SPECC1L: variants seen among roughly 807,000 people sequenced by gnomAD.
The protein encoded by SPECC1L is cytospin-A.
SPECC1L carries 40 observed loss-of-function variants against 116.8 expected under a neutral mutation model. The observed-to-expected ratio is 0.34, with a 90% CI of 0.27 to 0.45. The LOEUF (loss-of-function observed/expected upper bound fraction) is 0.45, where lower values mean the gene tolerates loss of function less well. Ranked by LOEUF, SPECC1L falls within the 20% of genes least tolerant of loss-of-function variation. The pLI, the probability that SPECC1L is intolerant of heterozygous loss-of-function variation, is 1.00. For missense variants in SPECC1L, 1,110 were observed against 1,373.6 expected (o/e 0.81, Z 3.03); for synonymous variants, 504 against 500.6 (o/e 1.01, Z -0.09).
At chr22:24,392,394 C>T (rs540975842) in intron 14 of SPECC1L, among the ~76,000 whole-genome samples, 1 of 152,356 alleles carries the variant, frequency 6.6e-6, no homozygotes, top group South Asian at 2.1e-4. Context: ...TCTTGTGCTT[C>T]ATCCACTTTG....
intron 14 of SPECC1L, among the ~76,000 whole-genome samples, chr22:24,393,610 G>A (rs1179043777): frequency 6.6e-6 from 1 of 152,158 alleles, no homozygotes; most frequent in East Asian, 1.9e-4. Flanking sequence ...AACAGAGAGA[G>A]CCTGTGTGGT....
intron 4 of SPECC1L, among the ~76,000 whole-genome samples, chr22:24,318,327 C>T (rs903250375): frequency 3.9e-5 from 6 of 152,210 alleles, no homozygotes; most frequent in South Asian, 2.1e-4. Context: ...GAGACCAGCC[C>T]GGCCAACACA....
chr22:24,371,560 A>G (rs2041870167), intron 14 of SPECC1L, among the ~76,000 whole-genome samples: 3 of 152,242 alleles, frequency 2.0e-5, no homozygotes, highest in Non-Finnish European at 4.4e-5. Context: ...ATTGGAAAAT[A>G]AGTGAAAATT....
intron 14 of SPECC1L, among the ~76,000 whole-genome samples, chr22:24,403,321 C>CT (rs977578575): frequency 1.2e-4 from 18 of 152,264 alleles, no homozygotes; most frequent in Admixed American, 1.2e-3. Context: ...CTGAAAAAAA[C>CT]TAAGTGCAAA....
In SPECC1L at chr22:24,414,537, A is replaced by AT; in HGVS notation, c.3270dup (p.Asn1091Ter). ...AAGCGTCTTCCTTGTCTGTCAGGAC[A>AT]TTAATGAAATGGTACGGACTGAACG... On this transcript the variant is annotated frameshift_variant, in exon 17 of 17. Coordinates refer to ENST00000314328, the MANE Select transcript of SPECC1L (RefSeq NM_015330.6). LOFTEE classifies it high-confidence loss of function. 1 of 1,613,908 alleles carries AT rather than the reference A, an allele frequency of 6.2e-7. No individual in the cohort carries two copies. Among genetic ancestry groups the AT allele is most frequent in the African/African-American group, 1.3e-5 (1 of 75,070 alleles).
chr22:24,354,690 CAG>C (rs2041494111), intron 11 of SPECC1L, among the ~76,000 whole-genome samples: 1 of 147,938 alleles, frequency 6.8e-6, no homozygotes, highest in African/African-American at 2.5e-5. Context: ...TTTTTTGAGA[CAG>C]AGTCTCACCC....
chr22:24,342,320 G>T (rs204703), intron 10 of SPECC1L, among the ~76,000 whole-genome samples: 19 of 152,204 alleles, frequency 1.2e-4, no homozygotes, highest in Non-Finnish European at 2.2e-4. Flanking sequence ...TATGATCTCT[G>T]CTTAAGTATG....
intron 2 of SPECC1L, among the ~76,000 whole-genome samples, chr22:24,293,547 T>C (rs1380901307): frequency 6.6e-6 from 1 of 152,238 alleles, no homozygotes; most frequent in Non-Finnish European, 1.5e-5. Context: ...CATGAACTTA[T>C]TATGAGCCTC....
chr22:24,302,532 G>A, intron 3 of SPECC1L, 148 bp downstream of exon 3: 1 of 996,934 alleles, frequency 1.0e-6, no homozygotes, highest in Non-Finnish European at 1.6e-6. Context: ...ACAGTGGGGT[G>A]GACCTAATTG....
chr22:24,289,698 T>A (rs76490849), intron 2 of SPECC1L, among the ~76,000 whole-genome samples: 1 of 137,166 alleles, frequency 7.3e-6, no homozygotes, highest in Non-Finnish European at 1.6e-5. Flanking sequence ...AACTACCTCC[T>A]TTTTTTTTTT....
chr22:24,274,231 C>T (rs777538114), intron 1 of SPECC1L, among the ~76,000 whole-genome samples: 20 of 152,140 alleles, frequency 1.3e-4, no homozygotes, highest in Non-Finnish European at 1.8e-4. Context: ...AATAACATGA[C>T]CATTAGGAAA....
At chr22:24,411,400 C>T (rs1252958013) in intron 14 of SPECC1L, among the ~76,000 whole-genome samples, 188 bp from the exon 15 acceptor site, 1 of 152,060 alleles carries the variant, frequency 6.6e-6, no homozygotes, top group Non-Finnish European at 1.5e-5. Context: ...CAGCCATCTA[C>T]AGCTGGTGGG....
chr22:24,291,138 G>T (rs994116107), intron 2 of SPECC1L, among the ~76,000 whole-genome samples: 11 of 152,318 alleles, frequency 7.2e-5, no homozygotes, highest in African/African-American at 2.4e-4. Context: ...AATATATTTA[G>T]ATTGCTTAGG....
At chr22:24,369,453 A>T in intron 14 of SPECC1L, 133 bp downstream of exon 14, 1 of 730,998 alleles carries the variant, frequency 1.4e-6, no homozygotes, top group Non-Finnish European at 2.5e-6. Flanking sequence ...TATAATCCTA[A>T]CACATTGGGA....
Position 24,324,266 on chromosome 22 carries a change from T to C in SPECC1L, c.1985T>C (p.Ile662Thr), listed in dbSNP as rs2040775847. Reference sequence around the variant, plus strand: ...TTCCAAGAAGAAGCTAAGAAACAAATTGAAGATTTGAATATGACGTTAGAA... The same window carrying C: ...TTCCAAGAAGAAGCTAAGAAACAAACTGAAGATTTGAATATGACGTTAGAA... ...RAFQEEAKKQIEDLNMTLEKL... is the reference protein window; with the variant it reads ...RAFQEEAKKQTEDLNMTLEKL... The change falls in exon 6 of 17, where the codon ATT becomes ACT. Residue 662 changes from isoleucine (I) to threonine (T), a missense_variant. Transcript: ENST00000314328. The C allele has an allele frequency of 6.2e-7, 1 of 1,613,990 alleles. No homozygotes were observed. The highest frequency in any genetic ancestry group is 8.5e-7 in the Non-Finnish European group (1 of 1,179,972).
intron 14 of SPECC1L, among the ~76,000 whole-genome samples, chr22:24,370,771 T>C (rs1249558078): frequency 6.6e-6 from 1 of 152,180 alleles, no homozygotes; most frequent in East Asian, 1.9e-4. Context: ...TTACACATGC[T>C]ACAACACGAT....
chr22:24,371,516 C>T (rs1158788316), intron 14 of SPECC1L, among the ~76,000 whole-genome samples: 1 of 151,908 alleles, frequency 6.6e-6, no homozygotes, highest in Non-Finnish European at 1.5e-5. Flanking sequence ...TTTCTGATCA[C>T]AATGAAAGAT....
rs546319593 is a variant in SPECC1L at position 24,335,021 on chromosome 22, T to A, written c.2560+448T>A. Among the ~76,000 whole-genome samples, 15 of 152,304 alleles carry A rather than the reference T, an allele frequency of 9.8e-5. 1 individual carries two copies. The South Asian group carries it at 2.7e-3, about 27-fold the overall frequency. On this transcript the variant is annotated intron_variant, in intron 9 of 16. Transcript: ENST00000314328. ...TCTGCCATCTTCAGCCTTCTCCCCA[T>A]GCATCAATGGCAGCATCACTCTACC... is the stretch of plus-strand genomic sequence containing the variant.
rs115172284 is a variant in SPECC1L at position 24,394,800 on chromosome 22, A to G, written c.3088-16788A>G. On this transcript the variant is annotated intron_variant, in intron 14 of 16. Transcript: ENST00000314328. ...GTGTTAAGCATCTTTCCACATGCTTATTTGCCACCGTATATCTTCTTTGTA... is the reference window on the plus strand; with the variant it reads ...GTGTTAAGCATCTTTCCACATGCTTGTTTGCCACCGTATATCTTCTTTGTA... Among the ~76,000 whole-genome samples the G allele has an allele frequency of 7.8e-3, 1,188 of 152,224 alleles. 18 individuals are homozygous for G. The highest frequency in any genetic ancestry group is 0.027 in the African/African-American group (1,126 of 41,520).
Sources: allele counts gnomAD v4.1 joint callset (sites outside exome capture counted in the v4.1 genomes callset), GRCh38; gene constraint gnomAD v4.1.1; transcripts MANE v1.5; gene names NCBI Gene and HGNC (gene_info 2026-07-23, HGNC 2026-07-21).